RBFOX1: variants seen among roughly 807,000 people sequenced by gnomAD.
RBFOX1 encodes the protein RNA binding protein fox-1 homolog 1.
Under a neutral mutation model 57.7 loss-of-function variants are expected in RBFOX1, and 8 were observed. The observed-to-expected ratio is 0.14, with a 90% CI of 0.08 to 0.25. The LOEUF (loss-of-function observed/expected upper bound fraction) is 0.25, where lower values mean the gene tolerates loss of function less well. RBFOX1 is among the 10% of genes least tolerant of loss of function. The probability of loss-of-function intolerance (pLI) is 1.00; values close to 1 mark genes in which losing one functional copy is unlikely to be tolerated. For missense variants in RBFOX1, 611 were observed against 548.5 expected, an observed-to-expected ratio of 1.11 and a Z score of -1.14; for synonymous variants, 326 against 222.4, an observed-to-expected ratio of 1.47 and a Z score of -4.15.
At position 6,805,620 on chromosome 16, in the gene RBFOX1, C is replaced by G. The variant is rs953559198; in HGVS notation, c.-16+150970C>G. On this transcript the variant is annotated intron_variant, in intron 3 of 15. Transcript: ENST00000550418. ...CAATGAAGAGCAAATCAAATTATTCCTGGTATCTCTTCGAGGATGTTTACA... is the reference window on the plus strand; with the variant it reads ...CAATGAAGAGCAAATCAAATTATTCGTGGTATCTCTTCGAGGATGTTTACA... Among the ~76,000 whole-genome samples the G allele has an allele frequency of 1.8e-4, 27 of 150,610 alleles. No individual in the cohort carries two copies. The East Asian group carries it at 3.5e-3, about 19-fold the overall frequency.
chr16:6,352,417 G>A (rs1478327338), intron 2 of RBFOX1, among the ~76,000 whole-genome samples: 1 of 152,128 alleles, frequency 6.6e-6, no homozygotes, highest in Non-Finnish European at 1.5e-5. Context: ...AAAATTTAGT[G>A]TTTATGTTGA....
At chr16:6,771,732 G>A (rs1017434198) in intron 3 of RBFOX1, among the ~76,000 whole-genome samples, 5 of 152,184 alleles carry the variant, frequency 3.3e-5, no homozygotes, top group Non-Finnish European at 7.3e-5. Context: ...AGCGGGTGGA[G>A]GCCAGGGATG....
intron 1 of RBFOX1, among the ~76,000 whole-genome samples, chr16:5,452,508 CCA>C (rs1237584341): frequency 6.6e-6 from 1 of 152,082 alleles, no homozygotes; most frequent in African/African-American, 2.4e-5. Context: ...CCTTTCATTC[CCA>C]CTGCCTTTCG....
At chr16:5,725,975 C>T (rs1596984937) in intron 3 of RBFOX1, among the ~76,000 whole-genome samples, 1 of 152,090 alleles carries the variant, frequency 6.6e-6, no homozygotes, top group East Asian at 1.9e-4. Context: ...TGAGGTTGGT[C>T]ACCAAAGAGT....
At chr16:7,324,659 A>G (rs1001832783) in intron 4 of RBFOX1, among the ~76,000 whole-genome samples, 1 of 152,218 alleles carries the variant, frequency 6.6e-6, no homozygotes, top group Non-Finnish European at 1.5e-5. Flanking sequence ...GAAGCGCTTA[A>G]TGAACCAAGA....
At chr16:6,909,518 G>A (rs2071005250) in intron 3 of RBFOX1, among the ~76,000 whole-genome samples, 1 of 152,194 alleles carries the variant, frequency 6.6e-6, no homozygotes, top group South Asian at 2.1e-4. Flanking sequence ...ACTCTCTAAA[G>A]GCGTTCCACC....
chr16:6,941,684 G>A (rs1286777640), intron 3 of RBFOX1, among the ~76,000 whole-genome samples: 1 of 152,098 alleles, frequency 6.6e-6, no homozygotes, highest in Non-Finnish European at 1.5e-5. Context: ...TAGTAATAGA[G>A]CTGATGGTTA....
chr16:5,655,187 G>A (rs1472936783), intron 3 of RBFOX1, among the ~76,000 whole-genome samples: 2 of 152,226 alleles, frequency 1.3e-5, no homozygotes, highest in African/African-American at 4.8e-5. Flanking sequence ...GGTGGCATTT[G>A]CACACCATCA....
chr16:6,299,575 G>A (rs959987009), intron 1 of RBFOX1, among the ~76,000 whole-genome samples: 10 of 151,992 alleles, frequency 6.6e-5, no homozygotes, highest in African/African-American at 1.2e-4. Context: ...CAGCGTCATC[G>A]TCACTCTCAC....
intron 3 of RBFOX1, among the ~76,000 whole-genome samples, chr16:6,809,846 G>A (rs1029689420): frequency 2.6e-5 from 4 of 152,152 alleles, no homozygotes; most frequent in African/African-American, 9.7e-5. Context: ...CGTACCAAGT[G>A]TAATTCACCA....
intron 2 of RBFOX1, among the ~76,000 whole-genome samples, chr16:6,497,112 T>G (rs1397029721): frequency 6.6e-6 from 1 of 152,148 alleles, no homozygotes; most frequent in African/African-American, 2.4e-5. Flanking sequence ...GGGAGCAATT[T>G]TAGAGAAGGT....
At chr16:6,780,355 TTA>T (rs1567216276) in intron 3 of RBFOX1, among the ~76,000 whole-genome samples, 8 of 101,344 alleles carry the variant, frequency 7.9e-5, no homozygotes, top group African/African-American at 3.6e-4. Context: ...ATATACATAT[TTA>T]TATACATATT....
At chr16:5,944,154 G>C (rs1376222119) in intron 4 of RBFOX1, among the ~76,000 whole-genome samples, 5 of 152,182 alleles carry the variant, frequency 3.3e-5, no homozygotes, top group Non-Finnish European at 7.3e-5. Context: ...TAATGTACAA[G>C]ATGGCCATTG....
intron 4 of RBFOX1, among the ~76,000 whole-genome samples, chr16:7,500,072 G>A (rs995430592): frequency 6.6e-6 from 1 of 151,992 alleles, no homozygotes. Context: ...CAACCCACTG[G>A]GCTCAGCATT....
chr16:7,130,492 A>G (rs550461744), intron 4 of RBFOX1, among the ~76,000 whole-genome samples: 5 of 152,244 alleles, frequency 3.3e-5, no homozygotes, highest in African/African-American at 4.8e-5. Context: ...TCATTGCAGT[A>G]CTCTAATGCC....
At chr16:6,239,750 G>A (rs2097530375) in intron 1 of RBFOX1, among the ~76,000 whole-genome samples, 1 of 152,046 alleles carries the variant, frequency 6.6e-6, no homozygotes, top group Non-Finnish European at 1.5e-5. Flanking sequence ...GCCTGCCTTG[G>A]CCTCCCAAAG....
intron 3 of RBFOX1, among the ~76,000 whole-genome samples, chr16:6,875,592 C>A (rs1211336678): frequency 6.6e-6 from 1 of 152,158 alleles, no homozygotes; most frequent in South Asian, 2.1e-4. Flanking sequence ...GTGTTAAGAC[C>A]TTGTTTATTT....
At chr16:6,641,598 G>A (rs973702077) in intron 2 of RBFOX1, among the ~76,000 whole-genome samples, 1 of 152,040 alleles carries the variant, frequency 6.6e-6, no homozygotes, top group Middle Eastern at 3.4e-3. Flanking sequence ...AGCTGGGTGT[G>A]ATGGTGGGTG....
chr16:6,244,825 C>G (rs1268745355), intron 1 of RBFOX1, among the ~76,000 whole-genome samples: 1 of 152,134 alleles, frequency 6.6e-6, no homozygotes, highest in Non-Finnish European at 1.5e-5. Context: ...TACTTTTGTT[C>G]ATGCTTTTGG....
Sources: gnomAD v4.1 joint callset for allele counts (sites outside exome capture counted in the v4.1 genomes callset) on GRCh38, gnomAD v4.1.1 for gene constraint, MANE v1.5 for transcripts, NCBI Gene and HGNC (gene_info 2026-07-23, HGNC 2026-07-21) for gene names.